The following ABCC8 variants were observed in gnomAD, a reference collection of about 807,000 sequenced individuals.
ABCC8 encodes ATP-binding cassette sub-family C member 8.
Under a neutral mutation model 188.0 loss-of-function variants are expected in ABCC8, and 137 were observed. The ratio of observed to expected loss-of-function variants is 0.73; its 90% CI spans 0.63 to 0.84. The LOEUF is 0.84. Among genes scored for constraint, ABCC8 ranks in the 40% least tolerant of loss-of-function variants. ABCC8 has a pLI of 0.00. For synonymous variants in ABCC8, 797 were observed against 846.5 expected (o/e 0.94, Z 1.01); for missense variants, 1,750 against 2,072.7 (o/e 0.84, Z 3.02).
chr11:17,430,574 A>G, intron 12 of ABCC8: 1 of 567,294 alleles, frequency 1.8e-6, no homozygotes, highest in Non-Finnish European at 3.2e-6. Flanking sequence ...AGTTGTCGTG[A>G]AAGTGACAGT....
intron 7 of ABCC8, among the ~76,000 whole-genome samples, chr11:17,452,679 T>G (rs1159105396): frequency 6.6e-6 from 1 of 152,220 alleles, no homozygotes; most frequent in African/African-American, 2.4e-5. Context: ...GGGGACCCTG[T>G]CTTAGAGGCT....
At chr11:17,398,990 C>T (rs11024275) in intron 29 of ABCC8, 37,444 of 164,190 alleles carry the variant, frequency 0.23, 5,482 homozygotes, top group East Asian at 0.51. Flanking sequence ...GATCTCCGGC[C>T]GGATGCGGTG....
intron 23 of ABCC8, among the ~76,000 whole-genome samples, chr11:17,407,725 G>A (rs565532710): frequency 1.3e-5 from 2 of 152,280 alleles, no homozygotes; most frequent in East Asian, 1.9e-4. Context: ...AAAGTGGCAC[G>A]TGACCCAGGA....
chr11:17,434,986 T>TGTGTGTGC (rs1564934424), intron 10 of ABCC8, among the ~76,000 whole-genome samples: 1 of 34,918 alleles, frequency 2.9e-5, no homozygotes, highest in African/African-American at 7.7e-5. Context: ...TGTGTTCGCG[T>TGTGTGTGC]GTGTGTGTGT....
chr11:17,393,275 C>A (rs2133391036), intron 38 of ABCC8, 147 bp from the exon 39 acceptor site: 1 of 1,139,378 alleles, frequency 8.8e-7, no homozygotes, highest in East Asian at 2.6e-5. Flanking sequence ...CTGCACTTTC[C>A]TGGGGTGGAT....
At chr11:17,408,351 C>T (rs755050406) in intron 23 of ABCC8, 41 bp downstream of exon 23, 267 of 1,577,964 alleles carry the variant, frequency 1.7e-4, no homozygotes, top group Non-Finnish European at 1.9e-4. Flanking sequence ...AGAACCTTTG[C>T]ATCCAGGGGT....
At chr11:17,439,475 T>A (rs563185793) in intron 10 of ABCC8, among the ~76,000 whole-genome samples, 3 of 152,162 alleles carry the variant, frequency 2.0e-5, no homozygotes, top group Non-Finnish European at 4.4e-5. Context: ...ACCTCACGCC[T>A]AATGACCTGT....
intron 5 of ABCC8, 74 bp downstream of exon 5, chr11:17,461,509 G>A (rs771792016): frequency 1.5e-5 from 24 of 1,585,506 alleles, no homozygotes; most frequent in Non-Finnish European, 2.1e-5. Flanking sequence ...TTGACCTAAT[G>A]CCCTTTGAGG....
intron 37 of ABCC8, among the ~76,000 whole-genome samples, 200 bp downstream of exon 37, chr11:17,394,066 T>TTGTG (rs111234796): frequency 7.2e-5 from 11 of 152,152 alleles, no homozygotes; most frequent in African/African-American, 2.7e-4. Context: ...CATAGTGTTT[T>TTGTG]TGTGTGTGCG....
chr11:17,414,491 CT>C lies in ABCC8; in HGVS notation c.2390+20del. The C allele has an allele frequency of 6.2e-7, 1 of 1,614,032 alleles. No individual in the cohort carries two copies. Among genetic ancestry groups the C allele is most frequent in the Non-Finnish European group, 8.5e-7 (1 of 1,179,878 alleles). On this transcript the variant is annotated intron_variant, in intron 19 of 38. Coordinates refer to ENST00000389817, the MANE Select transcript of ABCC8 (RefSeq NM_000352.6). ...ACAGTTCCTCCCCTCCACATCCTGCCTCCCTCCGACAGGCTTTTACCGTTGT... is the reference window on the plus strand; with the variant it reads ...ACAGTTCCTCCCCTCCACATCCTGCCCCCTCCGACAGGCTTTTACCGTTGT...
At chr11:17,418,435 G>T (rs1460006223) in intron 16 of ABCC8, among the ~76,000 whole-genome samples, 1 of 152,116 alleles carries the variant, frequency 6.6e-6, no homozygotes, top group African/African-American at 2.4e-5. Context: ...AATCTTCGTG[G>T]TCTCATTTCA....
chr11:17,398,410 CG>C lies in ABCC8; in HGVS notation c.3681del (p.Glu1228AsnfsTer37). 1 of 1,614,100 alleles carries C rather than the reference CG, an allele frequency of 6.2e-7. No individual in the cohort carries two copies. The highest frequency in any genetic ancestry group is 8.5e-7 in the Non-Finnish European group (1 of 1,179,988). ...GCAATGTTGTTGGAGTCTGTGTATT[CG>C]AGAAGCTTCTGCTGGAACCGGGCCT... Reference protein sequence around the residue: ...RYEARFQQKLLEYTDSNNIAS... With the variant: ...RYEARFQQKLXEYTDSNNIAS... On this transcript the variant is annotated frameshift_variant, in exon 30 of 39. Transcript: ENST00000389817. LOFTEE classifies it high-confidence loss of function.
At chr11:17,456,560 C>A (rs1212236318) in intron 6 of ABCC8, among the ~76,000 whole-genome samples, 1 of 152,176 alleles carries the variant, frequency 6.6e-6, no homozygotes. Context: ...TAGGTCCCAG[C>A]CCCGGGAGGC....
rs747369109 is a variant in ABCC8, at chr11:17,395,736, AG to A, written c.4199-19del. ...GATGTGCCCTGCATGGGTCCCAGTG[AG>A]GGTGCAGGGGAAGGCGGTGACTGCT... On this transcript the variant is annotated intron_variant, in intron 34 of 38. Transcript: ENST00000389817. 19 of 1,552,772 alleles carry A rather than the reference AG, an allele frequency of 1.2e-5. No homozygotes were observed. In the Admixed American group the frequency reaches 2.0e-4, roughly 16 times the overall value.
rs187139137 is a variant in ABCC8 at position 17,408,600 on chromosome 11, G to A, written c.2695-83C>T. On this transcript the variant is annotated intron_variant, in intron 22 of 38. Transcript: ENST00000389817. Reference sequence around the variant, plus strand: ...ATCCCTCAATTGTGGAGTCTAAGATGGAGGTTGACACATCCCTTTCCTCAC... The same window carrying A: ...ATCCCTCAATTGTGGAGTCTAAGATAGAGGTTGACACATCCCTTTCCTCAC... 4,082 of 1,538,860 alleles carry A rather than the reference G, an allele frequency of 2.7e-3. 11 individuals carry two copies. The highest frequency in any genetic ancestry group is 5.6e-3 in the Middle Eastern group (24 of 4,308).
chr11:17,476,594 C>T, intron 1 of ABCC8, 35 bp downstream of exon 1: 1 of 1,605,176 alleles, frequency 6.2e-7, no homozygotes, highest in Non-Finnish European at 8.5e-7. Context: ...CCTGCTCTCC[C>T]GTCCCCTCCT....
At chr11:17,447,694 G>A (rs1956591639) in intron 8 of ABCC8, among the ~76,000 whole-genome samples, 1 of 152,182 alleles carries the variant, frequency 6.6e-6, no homozygotes, top group Admixed American at 6.5e-5. Context: ...CTGCCTCCTG[G>A]ACTTTAGGTA....
chr11:17,456,014 C>T (rs1956982077), intron 6 of ABCC8, among the ~76,000 whole-genome samples: 1 of 151,210 alleles, frequency 6.6e-6, no homozygotes, highest in East Asian at 1.9e-4. Flanking sequence ...GGAAGGCAGG[C>T]CCTGTTGGAG....
Position 17,413,401 on chromosome 11 carries a change from C to G in ABCC8, c.2468G>C (p.Gly823Ala). The change falls in exon 20 of 39, where the codon GGG becomes GCG. Residue 823 changes from glycine to alanine, a missense_variant. Physicochemically the swap from Gly to Ala is moderately conservative, Grantham distance 60 (BLOSUM62 0). Coordinates refer to ENST00000389817, the MANE Select transcript of ABCC8 (RefSeq NM_000352.6). ...TCAGAGGCTGCTACTAACCCGTTCC[C>G]CAATCTGGGTCTGGTCTCCATGGGG... ...ILPHGDQTQIGERGINLSGGQ... is the reference protein window; with the variant it reads ...ILPHGDQTQIAERGINLSGGQ... 1 of 1,614,186 alleles carries G rather than the reference C, an allele frequency of 6.2e-7. No individual in the cohort carries two copies. The highest frequency in any genetic ancestry group is 1.1e-5 in the South Asian group (1 of 91,086).
Sources: allele counts gnomAD v4.1 joint callset (sites outside exome capture counted in the v4.1 genomes callset), GRCh38; gene constraint gnomAD v4.1.1; transcripts MANE v1.5; gene names NCBI Gene and HGNC (gene_info 2026-07-23, HGNC 2026-07-21).